LIN28B: variants seen among roughly 807,000 people sequenced by gnomAD.
LIN28B encodes lin-28 RNA binding posttranscriptional regulator B, also known as protein lin-28 homolog B.
In LIN28B, 5 loss-of-function variants were observed where a neutral mutation model predicts 21.9. The ratio of observed to expected loss-of-function variants is 0.23; its 90% CI spans 0.12 to 0.48. LIN28B has a LOEUF of 0.48. LIN28B is among the 20% of genes least tolerant of loss of function. The pLI is 0.98. For synonymous variants in LIN28B, 109 were observed against 111.3 expected (o/e 0.98, Z 0.13); for missense variants, 245 against 310.5 (o/e 0.79, Z 1.58).
At chr6:104,967,674 A>ATT (rs1769891779) in intron 2 of LIN28B, among the ~76,000 whole-genome samples, 1 of 148,448 alleles carries the variant, frequency 6.7e-6, no homozygotes, top group African/African-American at 2.5e-5. Flanking sequence ...TTATTTAATT[A>ATT]ATTATTATTA....
intron 3 of LIN28B, among the ~76,000 whole-genome samples, chr6:105,051,470 C>G (rs576852399): frequency 6.6e-6 from 1 of 150,834 alleles, no homozygotes. Flanking sequence ...GAAAGAGCCA[C>G]GACAACTGTT....
chr6:105,040,245 T>G (rs1280680586), intron 3 of LIN28B, among the ~76,000 whole-genome samples: 3 of 152,162 alleles, frequency 2.0e-5, no homozygotes, highest in African/African-American at 7.2e-5. Context: ...AGTCATTATT[T>G]GCTTATTCAG....
intron 2 of LIN28B, among the ~76,000 whole-genome samples, chr6:104,959,717 G>GT (rs1227521292): frequency 1.3e-5 from 2 of 152,070 alleles, no homozygotes; most frequent in Non-Finnish European, 2.9e-5. Flanking sequence ...TACATTTTCT[G>GT]TTTTTTCCCC....
chr6:105,027,871 C>T (rs1771320085), intron 3 of LIN28B, among the ~76,000 whole-genome samples: 1 of 152,096 alleles, frequency 6.6e-6, no homozygotes, highest in Non-Finnish European at 1.5e-5. Flanking sequence ...CTCTGTAGCA[C>T]TTGTTGCCTA....
chr6:105,037,617 A>G (rs1420272158), intron 3 of LIN28B, among the ~76,000 whole-genome samples: 1 of 150,748 alleles, frequency 6.6e-6, no homozygotes, highest in African/African-American at 2.4e-5. Flanking sequence ...AGTTCAGGTG[A>G]TCCTTTCACC....
chr6:104,974,500 A>G (rs1326284374), intron 2 of LIN28B, among the ~76,000 whole-genome samples: 2 of 151,384 alleles, frequency 1.3e-5, no homozygotes, highest in Admixed American at 6.6e-5. Context: ...AAAAAAAAAA[A>G]AAAAGAAAAA....
At chr6:104,969,320 C>T (rs1463665133) in intron 2 of LIN28B, among the ~76,000 whole-genome samples, 1 of 152,090 alleles carries the variant, frequency 6.6e-6, no homozygotes, top group Non-Finnish European at 1.5e-5. Context: ...GAATTTGTGC[C>T]CTTTGGCTCA....
rs1415885311 is a variant in LIN28B, at chr6:104,962,913, G to A, written c.198+4627G>A. On this transcript the variant is annotated intron_variant, in intron 2 of 3. Coordinates refer to ENST00000345080, the MANE Select transcript of LIN28B (RefSeq NM_001004317.4). ...GCAGCTCATTTGTATAGTGAGTTAC[G>A]TATTTTAATATTTTTAAAATGGTTT... 4.6e-5 allele frequency among the ~76,000 whole-genome samples: 7 copies of A among 152,204 alleles called. No individual in the cohort carries two copies. The East Asian group carries it at 5.8e-4, about 13-fold the overall frequency.
rs1769626967 is a variant in LIN28B, at chr6:104,958,393, GAC to G, written c.198+109_198+110del. On this transcript the variant is annotated intron_variant, in intron 2 of 3. Transcript: ENST00000345080. ...TAAGATGTCCTTCGGTATATTGAAA[GAC>G]AAAATCTTCCCTGAAATCACTAGGT... 37 of 898,432 alleles carry G rather than the reference GAC, an allele frequency of 4.1e-5. No homozygotes were observed. In the South Asian group the frequency reaches 9.7e-4, roughly 24 times the overall value. 55.7% of individuals were successfully genotyped at this position (898,432 alleles called of 1,614,324 possible). A position where few individuals can be genotyped will look rare whatever the true frequency, so the allele number is the denominator to read the frequency against.
intron 3 of LIN28B, among the ~76,000 whole-genome samples, chr6:105,033,550 T>C (rs1771466864): frequency 6.6e-6 from 1 of 152,172 alleles, no homozygotes; most frequent in South Asian, 2.1e-4. Flanking sequence ...GTAAATATTG[T>C]GTTGTTTTAT....
chr6:105,032,751 T>TGGAA lies in LIN28B; in HGVS notation c.383+6269_383+6270insGGAA, dbSNP rs1771449857. Among the ~76,000 whole-genome samples the TGGAA allele has an allele frequency of 2.0e-5, 3 of 152,188 alleles. No homozygotes were observed. The South Asian group carries it at 6.2e-4, about 32-fold the overall frequency. On this transcript the variant is annotated intron_variant, in intron 3 of 3. Transcript: ENST00000345080. ...AAAAAAATTTTTTTTAACCATTCTG[T>TGGAA]TAGGCGTGTGGTGATATCTCATCAT...
At chr6:105,015,584 T>C (rs1383033902) in intron 2 of LIN28B, among the ~76,000 whole-genome samples, 1 of 152,186 alleles carries the variant, frequency 6.6e-6, no homozygotes, top group African/African-American at 2.4e-5. Flanking sequence ...TCTGTTTATC[T>C]CATTTCTTTG....
intron 2 of LIN28B, among the ~76,000 whole-genome samples, chr6:104,984,937 T>A (rs1469284012): frequency 6.6e-6 from 1 of 152,226 alleles, no homozygotes; most frequent in Non-Finnish European, 1.5e-5. Context: ...TTATCTGCAT[T>A]ATTAACATTT....
chr6:104,956,476 T>G (rs1778292127), upstream of LIN28B, among the ~76,000 whole-genome samples: 1 of 152,240 alleles, frequency 6.6e-6, no homozygotes, highest in Non-Finnish European at 1.5e-5. Context: ...AAACGATTTT[T>G]CTAGTAGGAT....
chr6:104,949,070 A>G (rs1008797943), intron 2 of LIN28B, among the ~76,000 whole-genome samples: 9 of 151,776 alleles, frequency 5.9e-5, no homozygotes, highest in Non-Finnish European at 1.0e-4. Flanking sequence ...TATCTATTGT[A>G]TTTACACATC....
chr6:104,954,251 GAAAGTGAC>G, upstream of LIN28B, among the ~76,000 whole-genome samples: 1 of 152,262 alleles, frequency 6.6e-6, no homozygotes, highest in Admixed American at 6.5e-5. Context: ...AAGACTTCAG[GAAAGTGAC>G]AAATTGGAAA....
rs187609833 is a variant in LIN28B, at chr6:105,034,453, C to G, written c.383+7971C>G. Among the ~76,000 whole-genome samples the G allele has an allele frequency of 6.0e-4, 91 of 151,844 alleles. 1 individual carries two copies. Among genetic ancestry groups the G allele is most frequent in the African/African-American group, 1.9e-3 (78 of 41,472 alleles). The stretch of plus-strand genomic sequence containing the variant: ...TTTGTTTAGAAAGAAGGCTAATAGA[C>G]TGTTAAAAAAAAGATGTTTGATGTT... On this transcript the variant is annotated intron_variant, in intron 3 of 3. Coordinates refer to ENST00000345080, the MANE Select transcript of LIN28B (RefSeq NM_001004317.4).
chr6:104,999,655 T>C (rs1026718826), intron 2 of LIN28B, among the ~76,000 whole-genome samples: 3 of 152,198 alleles, frequency 2.0e-5, no homozygotes, highest in African/African-American at 4.8e-5. Context: ...TTGTTTGTTT[T>C]ACCCTGTCTT....
intron 3 of LIN28B, among the ~76,000 whole-genome samples, chr6:105,073,493 C>A (rs1028614550): frequency 2.0e-5 from 3 of 152,140 alleles, no homozygotes; most frequent in African/African-American, 7.2e-5. Flanking sequence ...TTTCTCTACT[C>A]TTTTCTCTGT....
Sources: gnomAD v4.1 joint callset for allele counts (sites outside exome capture counted in the v4.1 genomes callset) on GRCh38, gnomAD v4.1.1 for gene constraint, MANE v1.5 for transcripts, NCBI Gene and HGNC (gene_info 2026-07-23, HGNC 2026-07-21) for gene names.